Variants in ZFHX3 observed in about 807,000 individuals in gnomAD.
ZFHX3 encodes zinc finger homeobox 3.
In ZFHX3, 42 loss-of-function variants were observed where a neutral mutation model predicts 279.1. The ratio of observed to expected loss-of-function variants is 0.15; its 90% CI spans 0.12 to 0.19. ZFHX3 has a LOEUF of 0.19. Ranked by LOEUF, ZFHX3 falls within the 10% of genes least tolerant of loss-of-function variation. The pLI is 1.00. For synonymous variants in ZFHX3, 2,293 were observed against 1,957.8 expected (o/e 1.17, Z -4.52); for missense variants, 4,981 against 4,754.0 (o/e 1.05, Z -1.40).
intron 1 of ZFHX3, among the ~76,000 whole-genome samples, chr16:73,891,155 A>C (rs2030525323): frequency 6.6e-6 from 1 of 151,864 alleles, no homozygotes; most frequent in African/African-American, 2.4e-5. Flanking sequence ...AAAAAGCCAC[A>C]CATTAATATA....
intron 2 of ZFHX3, among the ~76,000 whole-genome samples, chr16:73,605,553 C>G (rs2052168756): frequency 6.6e-6 from 1 of 152,072 alleles, no homozygotes; most frequent in Non-Finnish European, 1.5e-5. Context: ...ATAGTATTAG[C>G]CAAATTCCTA....
intron 2 of ZFHX3, among the ~76,000 whole-genome samples, chr16:73,564,630 TC>T (rs1390008539): frequency 2.0e-5 from 3 of 151,952 alleles, no homozygotes; most frequent in Non-Finnish European, 4.4e-5. Flanking sequence ...AGACCCAACA[TC>T]CCCCTGTATT....
At chr16:73,094,637 A>ACAAGGAC (rs1966134660) in intron 7 of ZFHX3, 1 of 152,084 alleles carries the variant, frequency 6.6e-6, no homozygotes, top group Non-Finnish European at 1.5e-5. Context: ...GTCCACACCA[A>ACAAGGAC]CAAGGACCAA....
intron 3 of ZFHX3, among the ~76,000 whole-genome samples, chr16:73,389,994 A>G (rs1479793530): frequency 1.3e-5 from 2 of 152,200 alleles, no homozygotes; most frequent in Admixed American, 1.3e-4. Flanking sequence ...TGGGAGGCGG[A>G]TGTTGCAGTA....
At chr16:72,860,440 T>C (rs2037857397) in intron 4 of ZFHX3, among the ~76,000 whole-genome samples, 1 of 152,178 alleles carries the variant, frequency 6.6e-6, no homozygotes, top group African/African-American at 2.4e-5. Context: ...AACTTTTTAC[T>C]TTTTGAGACA....
At chr16:73,149,510 T>C (rs1406956975) in intron 5 of ZFHX3, among the ~76,000 whole-genome samples, 2 of 152,142 alleles carry the variant, frequency 1.3e-5, no homozygotes, top group Non-Finnish European at 2.9e-5. Context: ...AATCAGGAAA[T>C]GAACCAAAGT....
chr16:72,823,772 C>A (rs1052734209), intron 5 of ZFHX3, among the ~76,000 whole-genome samples: 2 of 152,124 alleles, frequency 1.3e-5, no homozygotes, highest in Non-Finnish European at 1.5e-5. Context: ...TTTGGTCCAA[C>A]CTGCCACTTT....
At chr16:73,402,726 G>A (rs1394068925) in intron 3 of ZFHX3, among the ~76,000 whole-genome samples, 1 of 152,114 alleles carries the variant, frequency 6.6e-6, no homozygotes, top group Non-Finnish European at 1.5e-5. Context: ...AGCAGGGACA[G>A]GTCTGTATAC....
rs772483176 is a variant in ZFHX3, at chr16:72,788,562, C to A, written c.9714G>T (p.Glu3238Asp). 3 of 1,614,130 alleles carry A rather than the reference C, an allele frequency of 1.9e-6. No individual in the cohort carries two copies. In the East Asian group the frequency reaches 6.7e-5, roughly 36 times the overall value. Reference protein sequence around the residue: ...QQQQRKDKDSEKVKEKEKAHK... With the variant: ...QQQQRKDKDSDKVKEKEKAHK... ...GTGCCTTTTCCTTCTCCTTTACTTT[C>A]TCACTGTCTTTGTCCTTGCGTTGCT... The change falls in exon 10 of 10, where the codon GAG (glutamate) becomes GAT (aspartate). Residue 3238 changes from glutamate to aspartate, a missense_variant. Transcript: ENST00000268489.
chr16:72,834,050 C>T (rs2037127041), intron 4 of ZFHX3, among the ~76,000 whole-genome samples: 1 of 152,044 alleles, frequency 6.6e-6, no homozygotes, highest in Non-Finnish European at 1.5e-5. Context: ...AGTTTGAGAC[C>T]AACCTGGGCA....
At chr16:73,571,717 C>A (rs1363871857) in intron 2 of ZFHX3, among the ~76,000 whole-genome samples, 1 of 152,066 alleles carries the variant, frequency 6.6e-6, no homozygotes, top group Non-Finnish European at 1.5e-5. Context: ...AGTTACATAG[C>A]CTACTTCTTA....
intron 1 of ZFHX3, chr16:73,813,854 G>A (rs1014429351): frequency 6.6e-6 from 1 of 152,248 alleles, no homozygotes; most frequent in Non-Finnish European, 1.5e-5. Flanking sequence ...CAGCTCAGCT[G>A]CAGGCAAGAT....
At chr16:73,673,040 T>A (rs1371491925) in intron 2 of ZFHX3, among the ~76,000 whole-genome samples, 1 of 152,148 alleles carries the variant, frequency 6.6e-6, no homozygotes. Flanking sequence ...GTCACTCCCA[T>A]CAGTCTACAT....
chr16:73,257,577 G>A (rs1380534978), intron 4 of ZFHX3, among the ~76,000 whole-genome samples: 1 of 152,196 alleles, frequency 6.6e-6, no homozygotes, highest in African/African-American at 2.4e-5. Context: ...AGGTCTTTAT[G>A]ATTTCAGAGT....
At chr16:73,058,250 G>A (rs1965608504) in intron 1 of ZFHX3, among the ~76,000 whole-genome samples, 2 of 145,680 alleles carry the variant, frequency 1.4e-5, no homozygotes, top group Admixed American at 6.8e-5. Flanking sequence ...CGGCGGCGGC[G>A]GCGGCGGCAG....
intron 2 of ZFHX3, among the ~76,000 whole-genome samples, chr16:73,633,581 C>T (rs35354967): frequency 4.6e-5 from 7 of 152,070 alleles, no homozygotes; most frequent in African/African-American, 1.5e-4. Flanking sequence ...CTACATTATT[C>T]TCTGGCTTTT....
chr16:73,823,515 T>C (rs1960811387), intron 1 of ZFHX3, among the ~76,000 whole-genome samples: 1 of 152,210 alleles, frequency 6.6e-6, no homozygotes, highest in Admixed American at 6.5e-5. Context: ...GGAGGTCGAC[T>C]CTGAACAGAA....
intron 2 of ZFHX3, among the ~76,000 whole-genome samples, chr16:73,497,804 G>A (rs1427245535): frequency 6.6e-6 from 1 of 152,186 alleles, no homozygotes; most frequent in Non-Finnish European, 1.5e-5. Context: ...AGTTGCTGGA[G>A]AAAGGAGAAA....
intron 2 of ZFHX3, among the ~76,000 whole-genome samples, chr16:73,490,223 C>T (rs2143644833): frequency 6.6e-6 from 1 of 152,326 alleles, no homozygotes; most frequent in East Asian, 1.9e-4. Flanking sequence ...ACATCAGCTG[C>T]TTCATCTACT....
Sources: gnomAD v4.1 joint callset for allele counts (sites outside exome capture counted in the v4.1 genomes callset) on GRCh38, gnomAD v4.1.1 for gene constraint, MANE v1.5 for transcripts, NCBI Gene and HGNC (gene_info 2026-07-23, HGNC 2026-07-21) for gene names.